Variants in NCKAP1 observed in about 807,000 individuals in gnomAD.
The protein encoded by NCKAP1 is nck-associated protein 1.
NCKAP1 carries 21 observed loss-of-function variants against 151.2 expected under a neutral mutation model. The ratio of observed to expected loss-of-function variants is 0.14; its 90% CI spans 0.10 to 0.20. The LOEUF is 0.20. NCKAP1 is among the 10% of genes least tolerant of loss of function. The pLI is 1.00. For synonymous variants in NCKAP1, 484 were observed against 451.8 expected (o/e 1.07, Z -0.90); for missense variants, 933 against 1,352.1 (o/e 0.69, Z 4.86).
chr2:182,995,592 CAACT>C, intron 7 of NCKAP1, 105 bp downstream of exon 7: 2 of 1,032,348 alleles, frequency 1.9e-6, no homozygotes, highest in Non-Finnish European at 2.8e-6. Flanking sequence ...TAATGAACTT[CAACT>C]AATAAGCTAA....
intron 13 of NCKAP1, among the ~76,000 whole-genome samples, chr2:182,980,373 T>C (rs1262735062): frequency 6.6e-6 from 1 of 152,008 alleles, no homozygotes; most frequent in Non-Finnish European, 1.5e-5. Flanking sequence ...AAATGAGATC[T>C]TCAAAGTATG....
chr2:182,954,571 C>T (rs1476192396), intron 20 of NCKAP1, among the ~76,000 whole-genome samples: 1 of 152,104 alleles, frequency 6.6e-6, no homozygotes, highest in Non-Finnish European at 1.5e-5. Context: ...AACCAACCCA[C>T]TAATATTCAC....
intron 23 of NCKAP1, among the ~76,000 whole-genome samples, chr2:182,951,249 T>G (rs921296378): frequency 6.6e-6 from 1 of 152,200 alleles, no homozygotes; most frequent in African/African-American, 2.4e-5. Flanking sequence ...CTATTAAGTT[T>G]GTGGAAATTA....
chr2:182,988,205 T>C (rs1698095469), intron 9 of NCKAP1, among the ~76,000 whole-genome samples: 1 of 152,168 alleles, frequency 6.6e-6, no homozygotes, highest in Non-Finnish European at 1.5e-5. Context: ...ATGTGGGATA[T>C]ATTGGCTTAC....
At chr2:182,970,104 T>G (rs1362487181) in intron 15 of NCKAP1, among the ~76,000 whole-genome samples, 1 of 152,106 alleles carries the variant, frequency 6.6e-6, no homozygotes, top group Non-Finnish European at 1.5e-5. Flanking sequence ...AGTAATGAGA[T>G]AGAAGCAGTA....
chr2:182,975,064 C>T (rs960621477), intron 15 of NCKAP1, among the ~76,000 whole-genome samples: 1 of 152,088 alleles, frequency 6.6e-6, no homozygotes, highest in Non-Finnish European at 1.5e-5. Context: ...CTCCTATAAA[C>T]CCAGAACAGG....
Position 182,976,956 on chromosome 2 carries a change from A to G in NCKAP1, c.1424-5T>C. 2 of 1,496,408 alleles carry G rather than the reference A, an allele frequency of 1.3e-6. No individual in the cohort carries two copies. Among genetic ancestry groups the G allele is most frequent in the South Asian group, 1.3e-5 (1 of 76,928 alleles). 92.7% of individuals were successfully genotyped at this position (1,496,408 alleles called of 1,614,324 possible). ...CAAATACTTCCCCATCTTCAACTGT[A>G]GTAATAGAAAAAAAAAAAAGATTAC... On this transcript the variant is annotated splice_polypyrimidine_tract_variant and splice_region_variant and intron_variant, in intron 14 of 30. Coordinates refer to ENST00000361354, the MANE Select transcript of NCKAP1 (RefSeq NM_013436.5).
chr2:182,971,393 C>CAA (rs1190689259), intron 15 of NCKAP1, among the ~76,000 whole-genome samples: 3,591 of 66,064 alleles, frequency 0.054, 143 homozygotes, highest in African/African-American at 0.083. Flanking sequence ...GACTCCGTCT[C>CAA]AAAAAAAAAA....
At position 182,917,058 on chromosome 2, in the gene NCKAP1, T is replaced by G. The variant is rs1255062293; in HGVS notation, c.*8644A>C. 6.6e-6 allele frequency: 1 copy of G among 152,220 alleles called. No individual in the cohort carries two copies. The highest frequency in any genetic ancestry group is 1.5e-5 in the Non-Finnish European group (1 of 68,038). 9.4% of individuals were successfully genotyped at this position (152,220 alleles called of 1,614,324 possible). On this transcript the variant is annotated 3_prime_UTR_variant, in exon 31 of 31. Transcript: ENST00000361354. Reference sequence around the variant, plus strand: ...TAATACTGGAGAAACTACCACCATTTACACTGAATGCCTACTTTGTGGTAG... The same window carrying G: ...TAATACTGGAGAAACTACCACCATTGACACTGAATGCCTACTTTGTGGTAG...
chr2:182,937,117 A>C (rs1696893379), intron 24 of NCKAP1, among the ~76,000 whole-genome samples: 3 of 4,188 alleles, frequency 7.2e-4, no homozygotes, highest in Admixed American at 4.7e-3. Context: ...TGTCTCACAA[A>C]AAAAAAAAAA....
chr2:182,983,006 C>CATTGGCAAGAAGTGT (rs1262751166), intron 11 of NCKAP1, 79 bp from the exon 12 acceptor site: 41 of 1,076,550 alleles, frequency 3.8e-5, no homozygotes, highest in Non-Finnish European at 4.7e-5. Context: ...TGTGAAAAGT[C>CATTGGCAAGAAGTGT]ATTGGCAAGA....
At chr2:182,958,592 G>C (rs1321593791) in intron 18 of NCKAP1, among the ~76,000 whole-genome samples, 1 of 152,126 alleles carries the variant, frequency 6.6e-6, no homozygotes. Context: ...AATTTTAATG[G>C]GCAGATCTGA....
chr2:182,981,393 A>G lies in NCKAP1; in HGVS notation c.1209-17T>C, dbSNP rs1182881280. ...GCAATGTGCCTTTTTTAAAATTTCA[A>G]GAAAAATATTCAAATAATAAATTCA... On this transcript the variant is annotated splice_polypyrimidine_tract_variant and intron_variant, in intron 12 of 30. Transcript: ENST00000361354. 1 of 1,554,734 alleles carries G rather than the reference A, an allele frequency of 6.4e-7. No homozygotes were observed.
At chr2:182,973,819 C>T (rs1697748338) in intron 15 of NCKAP1, among the ~76,000 whole-genome samples, 1 of 152,142 alleles carries the variant, frequency 6.6e-6, no homozygotes, top group Non-Finnish European at 1.5e-5. Context: ...TTGCTCTTTA[C>T]TCATTGTTTG....
chr2:182,984,060 AACTG>A (rs72283606), intron 10 of NCKAP1, among the ~76,000 whole-genome samples: 99,135 of 150,748 alleles, frequency 0.66, 36,474 homozygotes, highest in East Asian at 0.96. Flanking sequence ...TGAAGGCAAA[AACTG>A]ACTAACTGTA....
In NCKAP1 at chr2:182,916,993, T is replaced by G. The variant is rs1451299938; in HGVS notation, c.*8709A>C. Reference sequence around the variant, plus strand: ...ATACTCATAAAAGCCATGAAAAAACTCTTTGAAGGCAATTTTATAAGTGAA... The same window carrying G: ...ATACTCATAAAAGCCATGAAAAAACGCTTTGAAGGCAATTTTATAAGTGAA... On this transcript the variant is annotated 3_prime_UTR_variant, in exon 31 of 31. Coordinates refer to ENST00000361354, the MANE Select transcript of NCKAP1 (RefSeq NM_013436.5). The G allele has an allele frequency of 1.3e-5, 2 of 152,132 alleles. No individual in the cohort carries two copies. Among genetic ancestry groups the G allele is most frequent in the Non-Finnish European group, 2.9e-5 (2 of 68,020 alleles). 9.4% of individuals were successfully genotyped at this position (152,132 alleles called of 1,614,324 possible).
chr2:182,922,215 A>G lies in NCKAP1; in HGVS notation c.*3487T>C, dbSNP rs1696560882. The G allele has an allele frequency of 6.6e-6, 1 of 152,218 alleles. No individual in the cohort carries two copies. The highest frequency in any genetic ancestry group is 1.5e-5 in the Non-Finnish European group (1 of 68,046). 9.4% of individuals were successfully genotyped at this position (152,218 alleles called of 1,614,324 possible). On this transcript the variant is annotated 3_prime_UTR_variant, in exon 31 of 31. Transcript: ENST00000361354. ...ACAGAATGGGCATGGATCATGTACTAATCAGTAGGTTACAATTCACTACCT... is the reference window on the plus strand; with the variant it reads ...ACAGAATGGGCATGGATCATGTACTGATCAGTAGGTTACAATTCACTACCT...
rs749092804 is a variant in NCKAP1, at chr2:182,952,936, G to A, written c.2373-13C>T. ...AGTTTCCAAATACCTAAGGAGAAAC[G>A]TAAACTTATAACCGGAAGAAACTGC... On this transcript the variant is annotated splice_polypyrimidine_tract_variant and intron_variant, in intron 21 of 30. Transcript: ENST00000361354. 4.9e-5 allele frequency: 79 copies of A among 1,603,478 alleles called. No individual in the cohort carries two copies. Among genetic ancestry groups the A allele is most frequent in the Non-Finnish European group, 5.7e-5 (67 of 1,176,344 alleles).
chr2:183,012,874 C>T (rs1363308832), intron 2 of NCKAP1, among the ~76,000 whole-genome samples: 3 of 151,502 alleles, frequency 2.0e-5, no homozygotes, highest in African/African-American at 7.3e-5. Flanking sequence ...ATCCACTCAC[C>T]TCAGTCTCCC....
Sources: allele counts gnomAD v4.1 joint callset (sites outside exome capture counted in the v4.1 genomes callset), GRCh38; gene constraint gnomAD v4.1.1; transcripts MANE v1.5; gene names NCBI Gene and HGNC (gene_info 2026-07-23, HGNC 2026-07-21).